Variants in RYR1 observed in about 807,000 individuals in gnomAD.
RYR1 encodes central core disease of muscle.
Under a neutral mutation model 583.5 loss-of-function variants are expected in RYR1, and 342 were observed. That is an observed-to-expected ratio of 0.59 (90% CI 0.54 to 0.64). The LOEUF (loss-of-function observed/expected upper bound fraction) is 0.64, where lower values mean the gene tolerates loss of function less well. Among genes scored for constraint, RYR1 ranks in the 30% least tolerant of loss-of-function variants. The pLI is 0.00. For synonymous variants in RYR1, 2,791 were observed against 2,822.5 expected, an observed-to-expected ratio of 0.99 and a Z score of 0.35; for missense variants, 6,032 against 6,917.2, an observed-to-expected ratio of 0.87 and a Z score of 4.54.
rs147609895 is a variant in RYR1 at position 38,477,557 on chromosome 19, C to G, written c.4294-153C>G. Among the ~76,000 whole-genome samples, 311 of 152,238 alleles carry G rather than the reference C, an allele frequency of 2.0e-3. 4 individuals carry two copies. In the East Asian group the frequency reaches 0.029, roughly 14 times the overall value. The stretch of plus-strand genomic sequence containing the variant: ...AGAATTGCACAAATTGACACAGAAA[C>G]AGACATAACCAGGGGGTGGGGGACT... On this transcript the variant is annotated intron_variant, in intron 29 of 105. Transcript: ENST00000359596.
chr19:38,485,622 T>C lies in RYR1; in HGVS notation c.4967T>C (p.Leu1656Pro). The C allele has an allele frequency of 1.2e-6, 2 of 1,610,094 alleles. No homozygotes were observed. Among genetic ancestry groups the C allele is most frequent in the Non-Finnish European group, 1.7e-6 (2 of 1,179,954 alleles). Residue 1656 changes from leucine (L) to proline (P), a missense_variant, in exon 34 of 106, where the codon CTG becomes CCG. By Grantham distance (98) the Leu-to-Pro change is moderately conservative. This residue lies in a region of RYR1 where 2,627 missense variants were observed against 2,961.3 expected (regional missense o/e 0.89). Transcript: ENST00000359596. ...CMDILELSER[L>P]DLQRFHSHTL... Reference sequence around the variant, plus strand: ...GACATCCTGGAGCTGTCGGAGCGCCTGGACCTGCAGCGCTTCCACTCGCAC... The same window carrying C: ...GACATCCTGGAGCTGTCGGAGCGCCCGGACCTGCAGCGCTTCCACTCGCAC...
chr19:38,485,994 CCT>C lies in RYR1; in HGVS notation c.5340_5341del (p.Cys1781PhefsTer76), dbSNP rs779723153. 14 of 1,613,514 alleles carry C rather than the reference CCT, an allele frequency of 8.7e-6. No individual in the cohort carries two copies. Among genetic ancestry groups the C allele is most frequent in the African/African-American group, 8.0e-5 (6 of 74,930 alleles). ...AGGCCCCCGCATCATTTCTCGCCCC[CCT>C]GTTTCGTGGCCGCTCTGCCAGCTGC... is the stretch of plus-strand genomic sequence containing the variant. On this transcript the variant is annotated frameshift_variant, in exon 34 of 106. Transcript: ENST00000359596. LOFTEE classifies it high-confidence loss of function.
At chr19:38,474,007 C>G (rs919728746) in intron 28 of RYR1, among the ~76,000 whole-genome samples, 1 of 152,174 alleles carries the variant, frequency 6.6e-6, no homozygotes, top group Non-Finnish European at 1.5e-5. Flanking sequence ...ATGGAGAACT[C>G]TATTATCCTT....
chr19:38,472,835 TAAAA>T (rs34985897), intron 27 of RYR1, among the ~76,000 whole-genome samples: 6 of 107,336 alleles, frequency 5.6e-5, no homozygotes, highest in African/African-American at 6.6e-5. Context: ...GACTCTTGTC[TAAAA>T]AAAAAAAAAA....
intron 90 of RYR1, among the ~76,000 whole-genome samples, chr19:38,563,638 A>G (rs1225571798): frequency 6.6e-6 from 1 of 152,148 alleles, no homozygotes; most frequent in African/African-American, 2.4e-5. Flanking sequence ...TAACCCTCAC[A>G]CCAACCCTAT....
intron 25 of RYR1, among the ~76,000 whole-genome samples, chr19:38,468,561 C>T (rs1439759187): frequency 1.3e-5 from 2 of 152,210 alleles, no homozygotes; most frequent in Non-Finnish European, 2.9e-5. Flanking sequence ...ATCCATCTAT[C>T]TGTCTCATTA....
intron 34 of RYR1, 45 bp downstream of exon 34, chr19:38,486,247 A>G (rs1289467158): frequency 6.2e-7 from 1 of 1,611,946 alleles, no homozygotes; most frequent in Non-Finnish European, 8.5e-7. Context: ...CTTCTCCCAC[A>G]TTCCCAAAAC....
intron 1 of RYR1, among the ~76,000 whole-genome samples, chr19:38,434,323 C>G (rs150790167): frequency 6.6e-6 from 1 of 152,080 alleles, no homozygotes; most frequent in East Asian, 1.9e-4. Context: ...CTGGAGGACA[C>G]AGCTGCTTCC....
Position 38,496,114 on chromosome 19 carries a change from C to A in RYR1, c.6549-101C>A. On this transcript the variant is annotated intron_variant, in intron 39 of 105. Transcript: ENST00000359596. The surrounding 1 kb of genome is among the most constrained non-coding windows in gnomAD (Gnocchi z 4.8). ...TCTGTAAAGGCGGTGGTGCTAGGCACAGAGTGAGAGGGTCAAGAATGCCAA... is the reference window on the plus strand; with the variant it reads ...TCTGTAAAGGCGGTGGTGCTAGGCAAAGAGTGAGAGGGTCAAGAATGCCAA... 1.0e-6 allele frequency: 1 copy of A among 973,852 alleles called. No homozygotes were observed. Among genetic ancestry groups the A allele is most frequent in the Non-Finnish European group, 1.6e-6 (1 of 616,904 alleles). The allele number at this position is 973,852 out of a possible 1,614,324, so 60.3% of individuals were successfully genotyped here.
At chr19:38,463,111 T>G (rs1285390025) in intron 20 of RYR1, among the ~76,000 whole-genome samples, 1 of 131,584 alleles carries the variant, frequency 7.6e-6, no homozygotes, top group Non-Finnish European at 1.5e-5. Flanking sequence ...TTGCCTAGGC[T>G]GGTCTTGAAC....
intron 20 of RYR1, among the ~76,000 whole-genome samples, chr19:38,461,318 G>A (rs1457924793): frequency 1.3e-5 from 2 of 152,132 alleles, no homozygotes. Flanking sequence ...TTTAAAAGGA[G>A]TGAGAGAGGT....
chr19:38,572,957 T>C (rs1415810018), intron 95 of RYR1, among the ~76,000 whole-genome samples: 1 of 128,498 alleles, frequency 7.8e-6, no homozygotes, highest in Non-Finnish European at 1.7e-5. Context: ...CTGACCCCCC[T>C]GCCTGTGCCT....
chr19:38,455,599 G>A, intron 15 of RYR1, 34 bp from the exon 16 acceptor site: 1 of 1,607,576 alleles, frequency 6.2e-7, no homozygotes, highest in Non-Finnish European at 8.5e-7. Context: ...GATGGGCATG[G>A]CCGCTTCACC....
intron 36 of RYR1, 105 bp from the exon 37 acceptor site, chr19:38,490,516 C>T (rs753688896): frequency 1.3e-5 from 11 of 850,020 alleles, no homozygotes; most frequent in Non-Finnish European, 2.0e-5. Context: ...CACACTTCGA[C>T]TCATGACCTT....
Position 38,532,525 on chromosome 19 carries a change from C to A in RYR1, c.11177C>A (p.Ala3726Asp). 6.2e-7 allele frequency: 1 copy of A among 1,614,182 alleles called. No individual in the cohort carries two copies. The highest frequency in any genetic ancestry group is 8.5e-7 in the Non-Finnish European group (1 of 1,180,030). The change falls in exon 77 of 106, where the codon GCT becomes GAT. Residue 3726 changes from alanine to aspartate, a missense_variant. Coordinates refer to ENST00000359596, the MANE Select transcript of RYR1 (RefSeq NM_000540.3). ...LDEDYLYMAY[A>D]DIMAKSCHLE... is the part of the protein sequence containing the mutation. ...GAGGATTACCTGTACATGGCCTATGCTGATATCATGGCAAAGGTGAGGCCC... is the reference window on the plus strand; with the variant it reads ...GAGGATTACCTGTACATGGCCTATGATGATATCATGGCAAAGGTGAGGCCC...
At chr19:38,586,613 G>A (rs73032657) in intron 105 of RYR1, 37 bp downstream of exon 105, 12 of 1,594,382 alleles carry the variant, frequency 7.5e-6, no homozygotes, top group South Asian at 3.3e-5. Flanking sequence ...TGGGCAGGAC[G>A]TGGAGCCCTT....
intron 89 of RYR1, among the ~76,000 whole-genome samples, chr19:38,553,334 C>CAA (rs566497167): frequency 4.3e-4 from 35 of 80,938 alleles, no homozygotes; most frequent in African/African-American, 1.2e-3. Flanking sequence ...GACTCCATAT[C>CAA]AAAAAAAAAA....
At chr19:38,476,234 T>C (rs1968718586) in intron 29 of RYR1, among the ~76,000 whole-genome samples, 1 of 152,140 alleles carries the variant, frequency 6.6e-6, no homozygotes, top group Admixed American at 6.6e-5. Context: ...AGTCTCAGCC[T>C]GTCGCCCAGG....
rs1407571788 is a variant in RYR1 at position 38,512,263 on chromosome 19, C to T, written c.9252C>T (p.Gly3084=). 1 of 1,614,222 alleles carries T rather than the reference C, an allele frequency of 6.2e-7. No homozygotes were observed. The highest frequency in any genetic ancestry group is 1.7e-5 in the Admixed American group (1 of 60,024). The change falls in exon 63 of 106, where the codon GGC becomes GGT. Residue 3084 remains glycine (G), a synonymous_variant. Transcript: ENST00000359596. This position sits in a 1 kb window ranked among gnomAD's most constrained non-coding sequence, Gnocchi z 5.1. ...SLDARTVMKS[G]PEIVKAGLRS... Reference sequence around the variant, plus strand: ...CTTCTAGGACAGTGATGAAGTCAGGCCCTGAGATCGTGAAGGCTGGCCTCC... The same window carrying T: ...CTTCTAGGACAGTGATGAAGTCAGGTCCTGAGATCGTGAAGGCTGGCCTCC...
Sources: gnomAD v4.1 joint callset for allele counts (sites outside exome capture counted in the v4.1 genomes callset) on GRCh38, gnomAD v4.1.1 for gene constraint, gnomAD v4.1.1 regional missense constraint, Gnocchi (gnomAD v3.1) non-coding constraint, MANE v1.5 for transcripts, NCBI Gene and HGNC (gene_info 2026-07-23, HGNC 2026-07-21) for gene names.